The following LARP4 variants were observed in gnomAD, a reference collection of about 807,000 sequenced individuals.
The protein encoded by LARP4 is La ribonucleoprotein 4, also known as la-related protein 4.
LARP4 carries 29 observed loss-of-function variants against 92.9 expected under a neutral mutation model. That is an observed-to-expected ratio of 0.31 (90% CI 0.23 to 0.43). LARP4 has a LOEUF of 0.43. Ranked by LOEUF, LARP4 falls within the 20% of genes least tolerant of loss-of-function variation. LARP4 has a pLI of 1.00. For missense variants in LARP4, 732 were observed against 860.0 expected (o/e 0.85, Z 1.86); for synonymous variants, 279 against 284.1 (o/e 0.98, Z 0.18).
At chr12:50,426,685 GTGTGTGTGT>G (rs1411787902) in intron 1 of LARP4, among the ~76,000 whole-genome samples, 6 of 34,202 alleles carry the variant, frequency 1.8e-4, no homozygotes, top group African/African-American at 3.3e-4. Context: ...TATGTTTGGG[GTGTGTGTGT>G]GTGTGTGTGT....
intron 1 of LARP4, among the ~76,000 whole-genome samples, chr12:50,422,831 A>T (rs1052423312): frequency 2.9e-4 from 35 of 119,356 alleles, no homozygotes; most frequent in Non-Finnish European, 7.4e-5. Context: ...TATTATTATT[A>T]TTTTTGAGAC....
At chr12:50,462,441 G>T (rs1205178607) in intron 11 of LARP4, 141 bp from the exon 12 acceptor site, 1 of 601,658 alleles carries the variant, frequency 1.7e-6, no homozygotes, top group African/African-American at 2.0e-5. Context: ...TCGCGCCACT[G>T]CACTCCAGCC....
At chr12:50,438,882 G>A (rs1950816044) in intron 6 of LARP4, among the ~76,000 whole-genome samples, 1 of 152,186 alleles carries the variant, frequency 6.6e-6, no homozygotes. Flanking sequence ...CATTAAAGAA[G>A]ATGAGGATAA....
At chr12:50,417,462 C>T (rs919244576) in intron 1 of LARP4, among the ~76,000 whole-genome samples, 1 of 151,882 alleles carries the variant, frequency 6.6e-6, no homozygotes, top group Non-Finnish European at 1.5e-5. Context: ...TGTTTGAAAA[C>T]TAGTTGTCTT....
chr12:50,410,640 A>G (rs1166512727), intron 1 of LARP4, among the ~76,000 whole-genome samples: 1 of 151,532 alleles, frequency 6.6e-6, no homozygotes, highest in East Asian at 1.9e-4. Flanking sequence ...TCCTGACCTC[A>G]TGATCCGCCC....
intron 12 of LARP4, among the ~76,000 whole-genome samples, chr12:50,465,583 T>G (rs1237644937): frequency 1.3e-5 from 2 of 152,174 alleles, no homozygotes; most frequent in South Asian, 4.1e-4. Flanking sequence ...AGTGATAAGC[T>G]CATGCAGAGT....
intron 8 of LARP4, among the ~76,000 whole-genome samples, chr12:50,448,179 T>A (rs1207171440): frequency 6.6e-6 from 1 of 152,196 alleles, no homozygotes; most frequent in Non-Finnish European, 1.5e-5. Context: ...CCCCCAGTTT[T>A]AAAATTTTGG....
intron 1 of LARP4, among the ~76,000 whole-genome samples, chr12:50,410,375 C>T (rs1035986286): frequency 3.3e-5 from 5 of 149,610 alleles, no homozygotes; most frequent in Non-Finnish European, 3.0e-5. Context: ...AACACCCAGT[C>T]TGTTAGACGT....
intron 1 of LARP4, among the ~76,000 whole-genome samples, chr12:50,425,665 C>G (rs532063210): frequency 1.3e-5 from 2 of 152,136 alleles, no homozygotes; most frequent in African/African-American, 2.4e-5. Context: ...CCAAAGCTCT[C>G]TAGGAGCCAG....
At chr12:50,401,314 A>C (rs1317669734) in intron 1 of LARP4, 4 of 462,952 alleles carry the variant, frequency 8.6e-6, no homozygotes, top group Non-Finnish European at 1.6e-5. Flanking sequence ...AGTGTCCCAT[A>C]TGGACCTCCT....
chr12:50,437,905 T>A (rs1950667840), intron 6 of LARP4, 67 bp downstream of exon 6: 1 of 1,063,200 alleles, frequency 9.4e-7, no homozygotes, highest in South Asian at 1.5e-5. Flanking sequence ...TCTTCTGCCT[T>A]TCGTGGCAAA....
intron 1 of LARP4, among the ~76,000 whole-genome samples, chr12:50,419,879 T>G (rs1947450006): frequency 6.6e-6 from 1 of 152,158 alleles, no homozygotes; most frequent in South Asian, 2.1e-4. Context: ...CGCTCCACCC[T>G]GGGCAACAAG....
At chr12:50,406,341 T>A (rs1393243964) in intron 1 of LARP4, among the ~76,000 whole-genome samples, 2 of 128,784 alleles carry the variant, frequency 1.6e-5, no homozygotes, top group Non-Finnish European at 3.1e-5. Flanking sequence ...TTTAAAAAAT[T>A]AGCCAGGCCT....
chr12:50,466,968 C>G lies in LARP4; in HGVS notation c.1393C>G (p.Pro465Ala), dbSNP rs1481692284. 2 of 1,609,778 alleles carry G rather than the reference C, an allele frequency of 1.2e-6. No individual in the cohort carries two copies. Among genetic ancestry groups the G allele is most frequent in the Admixed American group, 1.7e-5 (1 of 59,980 alleles). ...TATTTGTTCATTTTAGAGACCTCATCCTTCAACAGCTGAATCAAAGGCTCC... is the reference window on the plus strand; with the variant it reads ...TATTTGTTCATTTTAGAGACCTCATGCTTCAACAGCTGAATCAAAGGCTCC... ...REDDRISRPH[P>A]STAESKAPTP... The change falls in exon 13 of 16, where the codon CCT becomes GCT. Residue 465 changes from proline (P) to alanine (A), a missense_variant. Physicochemically the swap from Pro to Ala is conservative, Grantham distance 27. Around this residue, in one of 7 missense-constraint regions of LARP4, gnomAD observed 264 missense variants for 269.5 expected, o/e 0.98. Coordinates refer to ENST00000398473, the MANE Select transcript of LARP4 (RefSeq NM_052879.5).
At chr12:50,449,133 C>G (rs540632082) in intron 8 of LARP4, among the ~76,000 whole-genome samples, 5 of 152,140 alleles carry the variant, frequency 3.3e-5, no homozygotes, top group African/African-American at 9.6e-5. Flanking sequence ...GTCCCAGCTA[C>G]TCGGGAGGCT....
intron 1 of LARP4, among the ~76,000 whole-genome samples, chr12:50,424,719 A>G (rs974222996): frequency 1.3e-5 from 2 of 152,218 alleles, no homozygotes; most frequent in African/African-American, 2.4e-5. Flanking sequence ...TTTACAGTTA[A>G]CAAAATTGAG....
intron 1 of LARP4, among the ~76,000 whole-genome samples, chr12:50,424,841 A>G (rs1010521862): frequency 2.0e-5 from 3 of 151,934 alleles, no homozygotes; most frequent in African/African-American, 4.8e-5. Flanking sequence ...GTGTGTTTAG[A>G]TAATGATTAT....
chr12:50,406,473 C>T (rs1484915831), intron 1 of LARP4, among the ~76,000 whole-genome samples: 1 of 151,920 alleles, frequency 6.6e-6, no homozygotes, highest in Non-Finnish European at 1.5e-5. Flanking sequence ...AGAGTGAGAC[C>T]CTGCCTCAAA....
At chr12:50,437,939 C>G (rs118108851) in intron 6 of LARP4, 101 bp downstream of exon 6, 1 of 667,574 alleles carries the variant, frequency 1.5e-6, no homozygotes, top group East Asian at 2.7e-5. Context: ...AAGAGGTACA[C>G]AAGCAAAGCA....
Sources: gnomAD v4.1 joint callset for allele counts (sites outside exome capture counted in the v4.1 genomes callset) on GRCh38, gnomAD v4.1.1 for gene constraint, gnomAD v4.1.1 regional missense constraint, MANE v1.5 for transcripts, NCBI Gene and HGNC (gene_info 2026-07-23, HGNC 2026-07-21) for gene names.